The following SEMA5A variants were observed in gnomAD, a reference collection of about 807,000 sequenced individuals.
SEMA5A encodes semaphorin-5A.
In SEMA5A, 55 loss-of-function variants were observed where a neutral mutation model predicts 135.5. The ratio of observed to expected loss-of-function variants is 0.41; its 90% confidence interval spans 0.33 to 0.51. The LOEUF (loss-of-function observed/expected upper bound fraction) is 0.51. Among genes scored for constraint, SEMA5A ranks in the 20% least tolerant of loss-of-function variants. SEMA5A has a pLI of 0.37. For synonymous variants in SEMA5A, 580 were observed against 546.5 expected (o/e 1.06, Z -0.85); for missense variants, 1,290 against 1,419.9 (o/e 0.91, Z 1.47).
At chr5:9,337,880 G>C (rs1275208240) in intron 3 of SEMA5A, 68 bp from the exon 4 acceptor site, 1 of 1,041,516 alleles carries the variant, frequency 9.6e-7, no homozygotes, top group Non-Finnish European at 1.4e-6. Flanking sequence ...ACCACAGATA[G>C]TGCACATCAG....
At chr5:9,367,870 A>T (rs76224942) in intron 3 of SEMA5A, among the ~76,000 whole-genome samples, 1 of 152,184 alleles carries the variant, frequency 6.6e-6, no homozygotes, top group Non-Finnish European at 1.5e-5. Context: ...GTTAAAAAAG[A>T]GTCTGGGACA....
intron 2 of SEMA5A, among the ~76,000 whole-genome samples, chr5:9,421,348 T>C (rs1757460948): frequency 1.3e-5 from 2 of 152,216 alleles, no homozygotes; most frequent in Admixed American, 1.3e-4. Flanking sequence ...ATAACTGACA[T>C]ATAATCTATA....
intron 15 of SEMA5A, 29 bp from the exon 16 acceptor site, chr5:9,108,316 A>G: frequency 1.2e-6 from 2 of 1,611,126 alleles, no homozygotes; most frequent in South Asian, 2.2e-5. Context: ...AATGACAAGG[A>G]AACTAATTAG....
chr5:9,138,968 G>A (rs1207451230), intron 12 of SEMA5A, among the ~76,000 whole-genome samples: 1 of 152,140 alleles, frequency 6.6e-6, no homozygotes, highest in Admixed American at 6.5e-5. Context: ...CCATATATAT[G>A]TATCACAGTT....
At chr5:9,470,757 C>T (rs1053382703) in intron 1 of SEMA5A, among the ~76,000 whole-genome samples, 6 of 152,192 alleles carry the variant, frequency 3.9e-5, no homozygotes, top group African/African-American at 1.4e-4. Flanking sequence ...AGAAATCAGC[C>T]TGCCTCCCAA....
chr5:9,073,166 C>T (rs1737862403), intron 16 of SEMA5A, among the ~76,000 whole-genome samples: 1 of 152,032 alleles, frequency 6.6e-6, no homozygotes, highest in African/African-American at 2.4e-5. Context: ...TTTTCTATTC[C>T]TCATGAATGA....
At chr5:9,420,533 C>A (rs406898) in intron 2 of SEMA5A, among the ~76,000 whole-genome samples, 134,733 of 152,198 alleles carry the variant, frequency 0.89, 60,179 homozygotes, top group Middle Eastern at 0.97. Flanking sequence ...TATTTTAAGA[C>A]GGGAACTTTC....
At chr5:9,400,830 A>T (rs978100010) in intron 2 of SEMA5A, among the ~76,000 whole-genome samples, 1 of 152,184 alleles carries the variant, frequency 6.6e-6, no homozygotes, top group Non-Finnish European at 1.5e-5. Context: ...ATATTCATGA[A>T]GAAATCAACT....
At chr5:9,198,950 T>A (rs1480316180) in intron 9 of SEMA5A, among the ~76,000 whole-genome samples, 1 of 152,134 alleles carries the variant, frequency 6.6e-6, no homozygotes, top group Non-Finnish European at 1.5e-5. Flanking sequence ...ATACAGATCA[T>A]CTAATTTCTC....
Position 9,057,786 on chromosome 5 carries a change from C to G in SEMA5A, c.2519-3529G>C, listed in dbSNP as rs1386894314. Reference sequence around the variant, plus strand: ...CTCTGTCCGGAAGTTGCTTAGTCTGCAATTGCCCTATGTCCCCAGACCAAT... The same window carrying G: ...CTCTGTCCGGAAGTTGCTTAGTCTGGAATTGCCCTATGTCCCCAGACCAAT... On this transcript the variant is annotated intron_variant, in intron 18 of 22. Transcript: ENST00000382496. 4.6e-5 allele frequency among the ~76,000 whole-genome samples: 7 copies of G among 152,198 alleles called. No homozygotes were observed. In the East Asian group the frequency reaches 1.3e-3, roughly 29 times the overall value.
chr5:9,172,324 C>T (rs952090650), intron 11 of SEMA5A, among the ~76,000 whole-genome samples: 13 of 152,174 alleles, frequency 8.5e-5, no homozygotes, highest in East Asian at 7.7e-4. Flanking sequence ...TTCCTTGTGA[C>T]GATTGCCATT....
chr5:9,081,885 G>A (rs763395502), intron 16 of SEMA5A, among the ~76,000 whole-genome samples: 2 of 152,140 alleles, frequency 1.3e-5, no homozygotes, highest in Non-Finnish European at 2.9e-5. Flanking sequence ...AACTTAAAGC[G>A]GTGTTCTATT....
chr5:9,149,589 A>C (rs1283255509), intron 12 of SEMA5A, among the ~76,000 whole-genome samples: 1 of 152,236 alleles, frequency 6.6e-6, no homozygotes, highest in Non-Finnish European at 1.5e-5. Flanking sequence ...GGTTGCAGTG[A>C]GCTGAGATCA....
intron 2 of SEMA5A, among the ~76,000 whole-genome samples, chr5:9,430,710 C>T (rs191572824): frequency 4.6e-5 from 7 of 152,134 alleles, no homozygotes; most frequent in Admixed American, 2.0e-4. Context: ...AGCAACATGG[C>T]GGTGTTGGGT....
chr5:9,073,714 T>G (rs1737892300), intron 16 of SEMA5A, among the ~76,000 whole-genome samples: 2 of 151,972 alleles, frequency 1.3e-5, no homozygotes, highest in Non-Finnish European at 2.9e-5. Flanking sequence ...TGTTATGGAG[T>G]CTACCAAAAA....
chr5:9,079,717 C>T (rs1738264901), intron 16 of SEMA5A, among the ~76,000 whole-genome samples: 1 of 151,856 alleles, frequency 6.6e-6, no homozygotes, highest in African/African-American at 2.4e-5. Flanking sequence ...ACAAACAACC[C>T]CATCAAAAAG....
chr5:9,062,758 G>A, intron 18 of SEMA5A, 129 bp downstream of exon 18: 1 of 953,334 alleles, frequency 1.0e-6, no homozygotes, highest in Non-Finnish European at 1.6e-6. Context: ...ACCACGCATA[G>A]CCAAGACATT....
At chr5:9,347,129 G>C (rs1392957538) in intron 3 of SEMA5A, among the ~76,000 whole-genome samples, 7 of 152,054 alleles carry the variant, frequency 4.6e-5, no homozygotes, top group Admixed American at 4.6e-4. Context: ...AAAATAGCAG[G>C]AAGCATAAAG....
At chr5:9,171,120 C>T (rs1743898216) in intron 11 of SEMA5A, among the ~76,000 whole-genome samples, 1 of 152,198 alleles carries the variant, frequency 6.6e-6, no homozygotes, top group Non-Finnish European at 1.5e-5. Context: ...CTCCATCAAT[C>T]CTTCCTTGTG....
Sources: allele counts gnomAD v4.1 joint callset (sites outside exome capture counted in the v4.1 genomes callset), GRCh38; gene constraint gnomAD v4.1.1; transcripts MANE v1.5; gene names NCBI Gene and HGNC (gene_info 2026-07-23, HGNC 2026-07-21).